Variants in NUDT19 observed in about 807,000 individuals in gnomAD.
NUDT19 encodes the protein acyl-coenzyme A diphosphatase NUDT19.
NUDT19 carries 31 observed loss-of-function variants against 22.2 expected under a neutral mutation model. That is an observed-to-expected ratio of 1.40 (90% CI 1.05 to 1.89). The LOEUF (loss-of-function observed/expected upper bound fraction) is 1.89, where lower values mean the gene tolerates loss of function less well. Among genes scored for constraint, NUDT19 ranks in the 40% most tolerant of loss-of-function variants. The probability of loss-of-function intolerance (pLI) is 0.00; values close to 1 mark genes in which losing one functional copy is unlikely to be tolerated. For synonymous variants in NUDT19, 325 were observed against 230.8 expected, an observed-to-expected ratio of 1.41 and a Z score of -3.70; for missense variants, 752 against 514.2, an observed-to-expected ratio of 1.46 and a Z score of -4.47.
At chr19:32,698,949 G>A (rs1968298826) in intron 1 of NUDT19, among the ~76,000 whole-genome samples, 2 of 152,168 alleles carry the variant, frequency 1.3e-5, no homozygotes, top group South Asian at 4.1e-4. Flanking sequence ...GGGAGGGAAG[G>A]GATCTCCAGA....
At chr19:32,700,445 T>C (rs1468544950) in intron 1 of NUDT19, among the ~76,000 whole-genome samples, 1 of 152,142 alleles carries the variant, frequency 6.6e-6, no homozygotes, top group Non-Finnish European at 1.5e-5. Context: ...GATTGGTGCA[T>C]TTACAAACCT....
chr19:32,692,551 G>A lies in NUDT19; in HGVS notation c.591G>A (p.Trp197Ter), dbSNP rs866179271. ...CCGACATCTGGGCGCTGCACAACTG[G>A]AGCGCCTGGCTCACCCCTTTCTTGC... ...CTPDIWALHNWSAWLTPFLRG... is the reference protein window; with the variant it reads ...CTPDIWALHN Residue 197 changes from tryptophan to a stop codon, truncating the protein, a stop_gained, in exon 1 of 3, where the codon TGG becomes TGA. Transcript: ENST00000397061. LOFTEE classifies it high-confidence loss of function. 1 of 1,596,844 alleles carries A rather than the reference G, an allele frequency of 6.3e-7. No homozygotes were observed. Among genetic ancestry groups the A allele is most frequent in the Admixed American group, 1.7e-5 (1 of 58,270 alleles).
intron 1 of NUDT19, among the ~76,000 whole-genome samples, chr19:32,696,613 T>G (rs1968266429): frequency 6.6e-6 from 1 of 152,198 alleles, no homozygotes; most frequent in Non-Finnish European, 1.5e-5. Context: ...ATGTAGATAA[T>G]AGCTCCAGCT....
At position 32,695,264 on chromosome 19, in the gene NUDT19, C is replaced by G. The variant is rs955056745; in HGVS notation, c.714+2590C>G. ...GCATGATCTAGGCTCACCGCAACCT[C>G]TGCTTCCCGGGTTCAAGCAATTCTC... On this transcript the variant is annotated intron_variant, in intron 1 of 2. Transcript: ENST00000397061. Among the ~76,000 whole-genome samples the G allele has an allele frequency of 2.0e-5, 3 of 152,324 alleles. No homozygotes were observed. The East Asian group carries it at 5.8e-4, about 29-fold the overall frequency.
rs938475881 is a variant in NUDT19, at chr19:32,712,320, G to T, written c.*363G>T. 1.3e-5 allele frequency: 2 copies of T among 153,012 alleles called. No homozygotes were observed. Among genetic ancestry groups the T allele is most frequent in the African/African-American group, 2.6e-5 (1 of 38,322 alleles). 9.5% of individuals were successfully genotyped at this position (153,012 alleles called of 1,614,324 possible). On this transcript the variant is annotated 3_prime_UTR_variant, in exon 3 of 3. Transcript: ENST00000397061. ...TCTCAATCTCTTGACCTCGTGATAC[G>T]CCCGCCTTGGCCTCCCAAAGTGCTG...
Position 32,691,996 on chromosome 19 carries a change from G to A in NUDT19, c.36G>A (p.Trp12Ter). The A allele has an allele frequency of 1.6e-6, 2 of 1,236,050 alleles. No individual in the cohort carries two copies. The highest frequency in any genetic ancestry group is 2.0e-6 in the Non-Finnish European group (2 of 992,220). 76.6% of individuals were successfully genotyped at this position (1,236,050 alleles called of 1,614,324 possible). The change falls in exon 1 of 3, where the codon TGG becomes TGA. Residue 12 changes from tryptophan (W) to a stop codon, truncating the protein, a stop_gained. Transcript: ENST00000397061. LOFTEE classifies it high-confidence loss of function. ...CCCTGCGGCCGGGCCCCAGCCGCTGGCGGCGGGCGGCCAGCATCGTCCTGG... is the reference window on the plus strand; with the variant it reads ...CCCTGCGGCCGGGCCCCAGCCGCTGACGGCGGGCGGCCAGCATCGTCCTGG... ...SSSLRPGPSR[W>*]RRAASIVLAA...
At chr19:32,699,789 G>C (rs531158493) in intron 1 of NUDT19, among the ~76,000 whole-genome samples, 2 of 152,342 alleles carry the variant, frequency 1.3e-5, no homozygotes, top group South Asian at 4.1e-4. Context: ...TGAAGCTGCA[G>C]ACCCTTGCGG....
chr19:32,702,684 T>C (rs1320486220), intron 1 of NUDT19, among the ~76,000 whole-genome samples: 1 of 152,204 alleles, frequency 6.6e-6, no homozygotes, highest in Non-Finnish European at 1.5e-5. Flanking sequence ...AACTTTTGCT[T>C]TTTAGTTGGA....
chr19:32,691,891 C>A lies in NUDT19; in HGVS notation c.-70C>A. 2.3e-6 allele frequency: 2 copies of A among 876,698 alleles called. No homozygotes were observed. Among genetic ancestry groups the A allele is most frequent in the Non-Finnish European group, 3.0e-6 (2 of 673,620 alleles). The allele number at this position is 876,698 out of a possible 1,614,324, so 54.3% of individuals were successfully genotyped here. Reference sequence around the variant, plus strand: ...GCGAGGCCCCCGGAGGTGCTGGGGTCCCTGCAGGGCCGGGCCACCTGCCGT... The same window carrying A: ...GCGAGGCCCCCGGAGGTGCTGGGGTACCTGCAGGGCCGGGCCACCTGCCGT... On this transcript the variant is annotated 5_prime_UTR_variant, in exon 1 of 3. Coordinates refer to ENST00000397061, the MANE Select transcript of NUDT19 (RefSeq NM_001105570.2).
At chr19:32,709,668 T>C (rs80194174) in intron 2 of NUDT19, among the ~76,000 whole-genome samples, 1 of 151,668 alleles carries the variant, frequency 6.6e-6, no homozygotes, top group Non-Finnish European at 1.5e-5. Flanking sequence ...TTTTTTTTTT[T>C]CTGAGACAGT....
At chr19:32,694,493 A>G (rs529760295) in intron 1 of NUDT19, among the ~76,000 whole-genome samples, 16 of 152,194 alleles carry the variant, frequency 1.1e-4, no homozygotes, top group Non-Finnish European at 2.4e-4. Context: ...GTGTGGTAGT[A>G]AGATAATGAA....
chr19:32,702,687 TA>T (rs1433432277), intron 1 of NUDT19, among the ~76,000 whole-genome samples: 1 of 152,242 alleles, frequency 6.6e-6, no homozygotes, highest in East Asian at 1.9e-4. Context: ...TTTTGCTTTT[TA>T]GTTGGAGTGT....
chr19:32,696,170 A>T (rs1412647661), intron 1 of NUDT19, among the ~76,000 whole-genome samples: 1 of 152,190 alleles, frequency 6.6e-6, no homozygotes, highest in Non-Finnish European at 1.5e-5. Flanking sequence ...TATGCACTTG[A>T]AGCACTGGTC....
Position 32,692,392 on chromosome 19 carries a change from G to T in NUDT19, c.432G>T (p.Arg144Ser). The change falls in exon 1 of 3, where the codon AGG (arginine) becomes AGT (serine). Residue 144 changes from arginine (R) to serine (S), a missense_variant. Physicochemically the swap from Arg to Ser is moderately radical, Grantham distance 110 (BLOSUM62 -1). Coordinates refer to ENST00000397061, the MANE Select transcript of NUDT19 (RefSeq NM_001105570.2). ...CGGGCGTGCTGCTGCTGCGGCCCAG[G>T]ACTTCCCCACCAGGCCCAGCACCCG... ...EEAGVLLLRP[R>S]TSPPGPAPGP... 2 of 1,580,998 alleles carry T rather than the reference G, an allele frequency of 1.3e-6. No homozygotes were observed. Among genetic ancestry groups the T allele is most frequent in the Non-Finnish European group, 1.7e-6 (2 of 1,171,648 alleles).
chr19:32,711,399 G>T (rs928663790), intron 2 of NUDT19, among the ~76,000 whole-genome samples: 3 of 152,194 alleles, frequency 2.0e-5, no homozygotes, highest in East Asian at 3.9e-4. Context: ...AGAGGTGGAG[G>T]TTGCAATGAG....
intron 1 of NUDT19, among the ~76,000 whole-genome samples, chr19:32,703,075 C>A (rs1383375467): frequency 6.6e-6 from 1 of 152,150 alleles, no homozygotes; most frequent in Non-Finnish European, 1.5e-5. Context: ...GATCTTGGCT[C>A]ACTGCAACCT....
At chr19:32,700,904 G>A (rs1304421587) in intron 1 of NUDT19, among the ~76,000 whole-genome samples, 1 of 152,022 alleles carries the variant, frequency 6.6e-6, no homozygotes, top group East Asian at 1.9e-4. Flanking sequence ...GCTGGGCATG[G>A]TGGTACATGC....
intron 1 of NUDT19, among the ~76,000 whole-genome samples, chr19:32,694,131 C>G (rs1474366133): frequency 6.6e-6 from 1 of 152,178 alleles, no homozygotes; most frequent in Non-Finnish European, 1.5e-5. Context: ...GTTAAAAATA[C>G]AGGGCCCGAA....
At chr19:32,706,964 G>A (rs549198404) in intron 1 of NUDT19, among the ~76,000 whole-genome samples, 46 of 152,252 alleles carry the variant, frequency 3.0e-4, no homozygotes, top group Non-Finnish European at 5.1e-4. Context: ...CTTGCTCCTT[G>A]GGTTGCAGTC....
Sources: allele counts gnomAD v4.1 joint callset (sites outside exome capture counted in the v4.1 genomes callset), GRCh38; gene constraint gnomAD v4.1.1; transcripts MANE v1.5; gene names NCBI Gene and HGNC (gene_info 2026-07-23, HGNC 2026-07-21).